The following DOP1A variants were observed in gnomAD, a reference collection of about 807,000 sequenced individuals.
The protein encoded by DOP1A is DOP1 leucine zipper like protein A.
Under a neutral mutation model 267.6 loss-of-function variants are expected in DOP1A, and 90 were observed. The observed-to-expected ratio is 0.34, with a 90% CI of 0.28 to 0.40. DOP1A has a LOEUF of 0.40. DOP1A is among the 10% of genes least tolerant of loss of function. The probability of loss-of-function intolerance (pLI) is 1.00; values close to 1 mark genes in which losing one functional copy is unlikely to be tolerated. For missense variants in DOP1A, 2,437 were observed against 2,900.4 expected (o/e 0.84, Z 3.67); for synonymous variants, 932 against 999.1 (o/e 0.93, Z 1.27).
In DOP1A at chr6:83,151,836, G is replaced by C. The variant is rs774556499; in HGVS notation, c.5905-47G>C. 2.6e-6 allele frequency: 4 copies of C among 1,557,736 alleles called. No individual in the cohort carries two copies. In the African/African-American group the frequency reaches 4.1e-5, roughly 16 times the overall value. ...TATAAACTACAGAAGTTCATAACTA[G>C]TGTGCATGTGTGTACCATACATAGT... On this transcript the variant is annotated intron_variant, in intron 28 of 38. Coordinates refer to ENST00000349129, the MANE Select transcript of DOP1A (RefSeq NM_015018.4).
chr6:83,138,179 C>G lies in DOP1A; in HGVS notation c.4137C>G (p.Ser1379=). The G allele has an allele frequency of 6.2e-7, 1 of 1,613,878 alleles. No homozygotes were observed. The highest frequency in any genetic ancestry group is 8.5e-7 in the Non-Finnish European group (1 of 1,179,908). Residue 1379 remains serine, a synonymous_variant, in exon 21 of 39, where the codon TCC becomes TCG. Coordinates refer to ENST00000349129, the MANE Select transcript of DOP1A (RefSeq NM_015018.4). ...VLLYLQLYDS[S]RTLYAFSAIK... ...TGTATCTCCAGTTGTATGATTCATC[C>G]AGGACTTTGTATGCTTTCTCTGCCA...
downstream of DOP1A, chr6:83,169,381 G>T: frequency 6.3e-7 from 1 of 1,589,174 alleles, no homozygotes. Context: ...TCTAACATGG[G>T]CAAGACCATG....
intron 3 of DOP1A, among the ~76,000 whole-genome samples, chr6:83,097,428 A>G (rs1771696795): frequency 6.6e-6 from 1 of 152,262 alleles, no homozygotes; most frequent in Non-Finnish European, 1.5e-5. Flanking sequence ...GTAATGGAGC[A>G]TCAGATATGG....
In DOP1A at chr6:83,118,924, G is replaced by A; in HGVS notation, c.817G>A (p.Ala273Thr). 1 of 1,613,688 alleles carries A rather than the reference G, an allele frequency of 6.2e-7. No homozygotes were observed. Among genetic ancestry groups the A allele is most frequent in the South Asian group, 1.1e-5 (1 of 91,074 alleles). ...GGATATGATCAGGATCTTGTCAGCAGCCCTTCATGTAGTGCTAAGGAGGGA... is the reference window on the plus strand; with the variant it reads ...GGATATGATCAGGATCTTGTCAGCAACCCTTCATGTAGTGCTAAGGAGGGA... ...RPDMIRILSA[A>T]LHVVLRRDMS... is the part of the protein sequence containing the mutation. Residue 273 changes from alanine to threonine, a missense_variant, in exon 8 of 39, where the codon GCC (alanine) becomes ACC (threonine). Transcript: ENST00000349129.
intron 5 of DOP1A, 106 bp from the exon 6 acceptor site, chr6:83,110,019 T>A (rs1562307710): frequency 8.4e-7 from 1 of 1,184,026 alleles, no homozygotes; most frequent in Non-Finnish European, 1.1e-6. Context: ...GTGGAACATA[T>A]GACTGTAGCA....
intron 15 of DOP1A, among the ~76,000 whole-genome samples, chr6:83,128,028 G>A (rs1387999220): frequency 2.8e-4 from 43 of 152,088 alleles, no homozygotes; most frequent in Admixed American, 2.7e-3. Flanking sequence ...AAGGGGAGGA[G>A]GGGTGACGAA....
intron 21 of DOP1A, 23 bp from the exon 22 acceptor site, chr6:83,139,977 T>C (rs1190709535): frequency 6.5e-7 from 1 of 1,530,252 alleles, no homozygotes; most frequent in Admixed American, 1.7e-5. Context: ...AACTTGTGTT[T>C]AAATGAATGC....
chr6:83,084,635 T>A (rs1768746482), intron 1 of DOP1A, among the ~76,000 whole-genome samples: 1 of 152,130 alleles, frequency 6.6e-6, no homozygotes, highest in African/African-American at 2.4e-5. Context: ...CAGGCTGGAG[T>A]ACAGTGGCAC....
At chr6:83,143,841 G>T (rs1236155112) in intron 24 of DOP1A, among the ~76,000 whole-genome samples, 1 of 152,088 alleles carries the variant, frequency 6.6e-6, no homozygotes, top group Non-Finnish European at 1.5e-5. Context: ...AAGTCCTCAG[G>T]AATGAAGTAA....
intron 37 of DOP1A, among the ~76,000 whole-genome samples, chr6:83,160,987 A>G (rs530045842): frequency 1.8e-4 from 27 of 152,154 alleles, no homozygotes; most frequent in African/African-American, 6.5e-4. Flanking sequence ...ATATATATAT[A>G]TATCTACTTT....
Position 83,125,206 on chromosome 6 carries a change from CA to C in DOP1A, c.1485+12del. 6.4e-7 allele frequency: 1 copy of C among 1,563,804 alleles called. No homozygotes were observed. The highest frequency in any genetic ancestry group is 8.6e-7 in the Non-Finnish European group (1 of 1,163,816). On this transcript the variant is annotated intron_variant, in intron 14 of 38. Transcript: ENST00000349129. ...AGGGTGCTGTGTCAGGTATGACATT[CA>C]GCCTGTTTTGTTTTTAAATGATTCT... is the stretch of plus-strand genomic sequence containing the variant.
Position 83,134,274 on chromosome 6 carries a change from C to T in DOP1A, c.2857C>T (p.Arg953Cys), listed in dbSNP as rs771937465. The change falls in exon 19 of 39, where the codon CGT becomes TGT. Residue 953 changes from arginine to cysteine, a missense_variant. Transcript: ENST00000349129. ...LHINKSSSFV[R>C]SFDRSLFIML... Reference sequence around the variant, plus strand: ...TATAAATAAATCTTCATCTTTTGTACGTTCTTTTGACAGGTCAGTTACATT... The same window carrying T: ...TATAAATAAATCTTCATCTTTTGTATGTTCTTTTGACAGGTCAGTTACATT... 13 of 1,611,110 alleles carry T rather than the reference C, an allele frequency of 8.1e-6. No individual in the cohort carries two copies. The highest frequency in any genetic ancestry group is 4.4e-5 in the South Asian group (4 of 90,692).
intron 24 of DOP1A, among the ~76,000 whole-genome samples, chr6:83,144,469 T>G (rs1274082367): frequency 6.6e-6 from 1 of 152,094 alleles, no homozygotes; most frequent in African/African-American, 2.4e-5. Context: ...TTTTAATAGG[T>G]ACAGAGAAAA....
rs2127993998 is a variant in DOP1A, at chr6:83,075,956, G to A, written c.-147+8177G>A. 2.0e-5 allele frequency among the ~76,000 whole-genome samples: 3 copies of A among 152,102 alleles called. No individual in the cohort carries two copies. The South Asian group carries it at 6.2e-4, about 32-fold the overall frequency. ...CAGTTTCTTGGATATGACAGCAAAA[G>A]CACAGACAATAAAAGCAAAAATAAA... On this transcript the variant is annotated intron_variant, in intron 1 of 38. Transcript: ENST00000349129.
intron 8 of DOP1A, 92 bp from the exon 9 acceptor site, chr6:83,119,656 G>C (rs1287652879): frequency 1.1e-6 from 1 of 940,202 alleles, no homozygotes; most frequent in African/African-American, 1.6e-5. Flanking sequence ...TAAGTGTTTA[G>C]TGCTGTTCTG....
In DOP1A at chr6:83,124,790, G is replaced by C; in HGVS notation, c.1426G>C (p.Val476Leu). The C allele has an allele frequency of 1.2e-6, 2 of 1,613,066 alleles. No individual in the cohort carries two copies. The highest frequency in any genetic ancestry group is 1.7e-6 in the Non-Finnish European group (2 of 1,179,536). ...ELQLTNFCLL[V>L]DFLLDIVSLP... ...ACAGCTGACCAATTTCTGCTTACTG[G>C]TGGATTTTTTGTTGGACATAGTTTC... The change falls in exon 13 of 39, where the codon GTG becomes CTG. Residue 476 changes from valine to leucine, a missense_variant. By Grantham distance (32) the Val-to-Leu change is conservative (BLOSUM62 1). Coordinates refer to ENST00000349129, the MANE Select transcript of DOP1A (RefSeq NM_015018.4).
intron 35 of DOP1A, 116 bp downstream of exon 35, chr6:83,157,434 C>A: frequency 1.9e-6 from 2 of 1,074,740 alleles, no homozygotes; most frequent in Non-Finnish European, 2.8e-6. Context: ...GTAGTTAAAC[C>A]AGTTACTGAT....
Position 83,138,739 on chromosome 6 carries a change from A to T in DOP1A, c.4697A>T (p.Asn1566Ile), listed in dbSNP as rs781265931. 6.2e-6 allele frequency: 10 copies of T among 1,614,074 alleles called. 1 individual carries two copies. The South Asian group carries it at 9.9e-5, about 16-fold the overall frequency. Residue 1566 changes from asparagine (N) to isoleucine (I), a missense_variant, in exon 21 of 39, where the codon AAT becomes ATT. Physicochemically the swap from Asn to Ile is moderately radical, Grantham distance 149. Transcript: ENST00000349129. The stretch of plus-strand genomic sequence containing the variant: ...GGTTTCTCAGAGGACAGCCTTATTA[A>T]TTTCTCAGAGGATGAATTTGACAAT... ...EEGFSEDSLI[N>I]FSEDEFDNGS...
Position 83,137,605 on chromosome 6 carries a change from A to G in DOP1A, c.3563A>G (p.Asp1188Gly), listed in dbSNP as rs1779050637. ...ATGCCCCCAAAGTGCAGTGATATAG[A>G]TCCAGATGAAGAGACGATTAAAATT... is the stretch of plus-strand genomic sequence containing the variant. ...EAMPPKCSDIDPDEETIKIED... is the reference protein window; with the variant it reads ...EAMPPKCSDIGPDEETIKIED... The change falls in exon 21 of 39, where the codon GAT (aspartate) becomes GGT (glycine). Residue 1188 changes from aspartate to glycine, a missense_variant. By Grantham distance (94) the Asp-to-Gly change is moderately conservative. This residue lies in a region of DOP1A where 878 missense variants were observed against 992.9 expected (regional missense o/e 0.88). Transcript: ENST00000349129. The G allele has an allele frequency of 1.2e-6, 2 of 1,613,764 alleles. No homozygotes were observed. The highest frequency in any genetic ancestry group is 1.7e-5 in the Admixed American group (1 of 59,974).
Sources: gnomAD v4.1 joint callset for allele counts (sites outside exome capture counted in the v4.1 genomes callset) on GRCh38, gnomAD v4.1.1 for gene constraint, gnomAD v4.1.1 regional missense constraint, MANE v1.5 for transcripts, NCBI Gene and HGNC (gene_info 2026-07-23, HGNC 2026-07-21) for gene names.